The following EBF1 variants were observed in gnomAD, a reference collection of about 807,000 sequenced individuals.
The protein encoded by EBF1 is transcription factor COE1.
Under a neutral mutation model 68.4 loss-of-function variants are expected in EBF1, and 10 were observed. The observed-to-expected ratio is 0.15, with a 90% CI of 0.09 to 0.25. EBF1 has a LOEUF of 0.25. Among genes scored for constraint, EBF1 ranks in the 10% least tolerant of loss-of-function variants. The pLI, the probability that EBF1 is intolerant of heterozygous loss-of-function variation, is 1.00. For missense variants in EBF1, 509 were observed against 794.4 expected (o/e 0.64, Z 4.32); for synonymous variants, 298 against 299.8 (o/e 0.99, Z 0.06).
At chr5:158,727,062 T>G (rs766352211) in intron 11 of EBF1, among the ~76,000 whole-genome samples, 1 of 152,194 alleles carries the variant, frequency 6.6e-6, no homozygotes. Context: ...ACCTGAAGCA[T>G]GGGAGGTTGA....
chr5:158,937,459 A>T (rs1812263628), intron 6 of EBF1, among the ~76,000 whole-genome samples: 1 of 152,136 alleles, frequency 6.6e-6, no homozygotes, highest in Non-Finnish European at 1.5e-5. Flanking sequence ...AGCCAGGAAT[A>T]AGCAAAGCTC....
intron 10 of EBF1, among the ~76,000 whole-genome samples, chr5:158,763,361 C>T (rs1000111029): frequency 6.6e-6 from 1 of 152,208 alleles, no homozygotes; most frequent in African/African-American, 2.4e-5. Flanking sequence ...GTGCTGGTGT[C>T]TGACATGCCC....
At chr5:158,949,839 G>T (rs751088366) in intron 6 of EBF1, among the ~76,000 whole-genome samples, 7 of 152,200 alleles carry the variant, frequency 4.6e-5, no homozygotes, top group Non-Finnish European at 8.8e-5. Flanking sequence ...TCTCATGTTA[G>T]ATATTCATTC....
chr5:158,982,415 A>G (rs1758079448), intron 6 of EBF1, among the ~76,000 whole-genome samples: 1 of 152,310 alleles, frequency 6.6e-6, no homozygotes, highest in African/African-American at 2.4e-5. Context: ...TTGAGGGACT[A>G]TTGCATGTCA....
chr5:158,957,773 A>C (rs1189247867), intron 6 of EBF1, among the ~76,000 whole-genome samples: 1 of 152,186 alleles, frequency 6.6e-6, no homozygotes, highest in Non-Finnish European at 1.5e-5. Flanking sequence ...TTATGGCCGC[A>C]TGATATTTTT....
chr5:158,822,326 A>G lies in EBF1; in HGVS notation c.778+850T>C, dbSNP rs553095605. ...GATGGATGGATGGATAGATGGATAG[A>G]TGGATAGATAGATGAACGGATGGAT... On this transcript the variant is annotated intron_variant, in intron 8 of 15. Coordinates refer to ENST00000313708, the MANE Select transcript of EBF1 (RefSeq NM_024007.5). 2.6e-5 allele frequency among the ~76,000 whole-genome samples: 4 copies of G among 152,126 alleles called. No individual in the cohort carries two copies. In the East Asian group the frequency reaches 7.7e-4, roughly 29 times the overall value.
At chr5:158,969,100 G>C (rs554791245) in intron 6 of EBF1, among the ~76,000 whole-genome samples, 1 of 152,052 alleles carries the variant, frequency 6.6e-6, no homozygotes, top group African/African-American at 2.4e-5. Flanking sequence ...TCAGGAGTTC[G>C]AGACCAGCCT....
chr5:158,947,398 C>T (rs1446170594), intron 6 of EBF1, among the ~76,000 whole-genome samples: 1 of 152,210 alleles, frequency 6.6e-6, no homozygotes, highest in African/African-American at 2.4e-5. Flanking sequence ...CCAGATAGCA[C>T]CATCCCTCAC....
intron 6 of EBF1, among the ~76,000 whole-genome samples, chr5:158,849,403 C>T (rs572243402): frequency 5.2e-4 from 79 of 152,310 alleles, no homozygotes; most frequent in African/African-American, 1.8e-3. Flanking sequence ...CCCTCACTCC[C>T]ACACCATCTC....
At chr5:158,941,308 T>C in intron 6 of EBF1, 1 of 452,768 alleles carries the variant, frequency 2.2e-6, no homozygotes, top group South Asian at 1.6e-5. Flanking sequence ...ACAGCAAACC[T>C]CTCAAGCATA....
intron 5 of EBF1, among the ~76,000 whole-genome samples, chr5:159,083,772 T>C (rs1335614209): frequency 6.6e-6 from 1 of 152,240 alleles, no homozygotes; most frequent in African/African-American, 2.4e-5. Flanking sequence ...AGGAAGAGCC[T>C]GCATGGTTAA....
At chr5:158,848,292 A>G (rs940921799) in intron 6 of EBF1, among the ~76,000 whole-genome samples, 2 of 127,964 alleles carry the variant, frequency 1.6e-5, no homozygotes, top group African/African-American at 5.5e-5. Context: ...TTATATATAT[A>G]TCGTGGGATC....
At chr5:158,975,366 G>C (rs1383522661) in intron 6 of EBF1, among the ~76,000 whole-genome samples, 2 of 152,078 alleles carry the variant, frequency 1.3e-5, no homozygotes, top group East Asian at 3.8e-4. Flanking sequence ...AAGACTTTCT[G>C]GTTCACAGGG....
chr5:158,954,634 C>T (rs1409936352), intron 6 of EBF1, among the ~76,000 whole-genome samples: 1 of 152,220 alleles, frequency 6.6e-6, no homozygotes, highest in Non-Finnish European at 1.5e-5. Flanking sequence ...CTTAACCTTT[C>T]TGTCAACCTA....
Position 158,712,981 on chromosome 5 carries a change from G to C in EBF1, c.1358C>G (p.Ala453Gly). The stretch of plus-strand genomic sequence containing the variant: ...AGCAAGCTTCTGACCCTGATTGGTG[G>C]CTTGTGATGCCTCGGAGACATTCAC... ...LAVNVSEASQ[A>G]TNQGFTRNSS... is the part of the protein sequence containing the mutation. Residue 453 changes from alanine to glycine, a missense_variant, in exon 13 of 16, where the codon GCC (alanine) becomes GGC (glycine). Ala to Gly is a moderately conservative substitution (Grantham distance 60). Transcript: ENST00000313708. The C allele has an allele frequency of 6.7e-7, 1 of 1,490,320 alleles. No homozygotes were observed. The highest frequency in any genetic ancestry group is 2.5e-5 in the East Asian group (1 of 40,780). 92.3% of individuals were successfully genotyped at this position (1,490,320 alleles called of 1,614,324 possible).
chr5:158,969,892 G>GAAAGAAAGA (rs1755125342), intron 6 of EBF1, among the ~76,000 whole-genome samples: 1 of 99,002 alleles, frequency 1.0e-5, no homozygotes, highest in African/African-American at 3.7e-5. Context: ...AAGAAAGAAA[G>GAAAGAAAGA]AAAGAAAGAA....
rs61380054 is a variant in EBF1, at chr5:158,737,266, A to ATTTTTTTTT, written c.1037-6118_1037-6110dup. On this transcript the variant is annotated intron_variant, in intron 10 of 15. Transcript: ENST00000313708. ...CCAAACTGCCTTTGAACATGCCCTG[A>ATTTTTTTTT]TTTTTTTTTTTTTTTTTTTTTTTTT... Among the ~76,000 whole-genome samples, 65 of 55,642 alleles carry ATTTTTTTTT rather than the reference A, an allele frequency of 1.2e-3. 4 individuals are homozygous for ATTTTTTTTT. Among genetic ancestry groups the ATTTTTTTTT allele is most frequent in the Admixed American group, 1.9e-3 (6 of 3,176 alleles). 36.5% of individuals were successfully genotyped at this position (55,642 alleles called of 152,430 possible).
At chr5:158,971,878 A>G (rs1394222328) in intron 6 of EBF1, among the ~76,000 whole-genome samples, 1 of 152,224 alleles carries the variant, frequency 6.6e-6, no homozygotes, top group Non-Finnish European at 1.5e-5. Context: ...CTTAGTGTTC[A>G]GAGATTAATA....
At chr5:158,958,516 TACTC>T (rs1350709820) in intron 6 of EBF1, among the ~76,000 whole-genome samples, 1 of 152,148 alleles carries the variant, frequency 6.6e-6, no homozygotes, top group East Asian at 1.9e-4. Flanking sequence ...GCCCTGCCCT[TACTC>T]AGTCAGGGAA....
Sources: allele counts gnomAD v4.1 joint callset (sites outside exome capture counted in the v4.1 genomes callset), GRCh38; gene constraint gnomAD v4.1.1; transcripts MANE v1.5; gene names NCBI Gene and HGNC (gene_info 2026-07-23, HGNC 2026-07-21).